Variants in SLC22A7 observed in about 807,000 individuals in gnomAD.
The protein encoded by SLC22A7 is hOAT2.
A neutral mutation model predicts 62.2 loss-of-function variants in SLC22A7; 48 were observed. The observed-to-expected ratio is 0.77, with a 90% CI of 0.61 to 0.98. The LOEUF (loss-of-function observed/expected upper bound fraction) is 0.98, where lower values mean the gene tolerates loss of function less well. Among genes scored for constraint, SLC22A7 ranks in the 50% least tolerant of loss-of-function variants. The pLI is 0.00. For synonymous variants in SLC22A7, 276 were observed against 314.8 expected, an observed-to-expected ratio of 0.88 and a Z score of 1.30; for missense variants, 581 against 703.8, an observed-to-expected ratio of 0.83 and a Z score of 1.97.
At chr6:43,300,337 G>A (rs1582548352) in intron 5 of SLC22A7, 1 of 528,104 alleles carries the variant, frequency 1.9e-6, no homozygotes, top group East Asian at 3.4e-5. Context: ...GCCCCTTGGA[G>A]AGTTGGGGAT....
intron 9 of SLC22A7, among the ~76,000 whole-genome samples, chr6:43,303,492 A>ATAG (rs1778829700): frequency 6.7e-6 from 1 of 149,426 alleles, no homozygotes; most frequent in Non-Finnish European, 1.5e-5. Context: ...TTAAATAATA[A>ATAG]TAATAATAAG....
At position 43,298,506 on chromosome 6, in the gene SLC22A7, G is replaced by GCCCTGCCGGGTGC. The variant is rs1420337300; in HGVS notation, c.156_168dup (p.Asn57GlyfsTer22). 1.9e-6 allele frequency: 3 copies of GCCCTGCCGGGTGC among 1,613,516 alleles called. No homozygotes were observed. On this transcript the variant is annotated frameshift_variant, in exon 1 of 11. Coordinates refer to ENST00000372585, the MANE Select transcript of SLC22A7 (RefSeq NM_153320.2). LOFTEE classifies it high-confidence loss of function. ...GGCTGCCGTGCCTGCCCACCGATGT[G>GCCCTGCCGGGTGC]CCCTGCCGGGTGCCCCTGCCAACTT...
At chr6:43,301,442 C>A (rs56401710) in intron 6 of SLC22A7, 141 bp from the exon 7 acceptor site, 576,503 of 1,029,864 alleles carry the variant, frequency 0.56, 170,774 homozygotes, top group East Asian at 0.67. Context: ...ATTCGAGACC[C>A]ACTCGTCTCA....
chr6:43,301,745 C>T (rs1778759256), intron 7 of SLC22A7, 53 bp downstream of exon 7: 5 of 1,335,044 alleles, frequency 3.7e-6, no homozygotes, highest in Non-Finnish European at 5.3e-6. Flanking sequence ...GAGGAGCAAA[C>T]TCCAGGCTGG....
Position 43,301,122 on chromosome 6 carries a change from T to A in SLC22A7, c.828-13T>A. 6.2e-7 allele frequency: 1 copy of A among 1,614,144 alleles called. No individual in the cohort carries two copies. Among genetic ancestry groups the A allele is most frequent in the Non-Finnish European group, 8.5e-7 (1 of 1,180,004 alleles). On this transcript the variant is annotated splice_polypyrimidine_tract_variant and intron_variant, in intron 5 of 10. Transcript: ENST00000372585. ...ATGACTTTCTGGCTGATGGACCTTC[T>A]GCCTATTCCTAGGTGGGTGCCTGAG...
chr6:43,303,287 CCT>C (rs1173011268), intron 9 of SLC22A7: 1 of 301,320 alleles, frequency 3.3e-6, no homozygotes, highest in African/African-American at 2.3e-5. Context: ...ATGGTGAAAC[CCT>C]GTCTCTGCTA....
chr6:43,296,387 A>C (rs1370877210), upstream of SLC22A7, among the ~76,000 whole-genome samples: 2 of 152,190 alleles, frequency 1.3e-5, no homozygotes, highest in Non-Finnish European at 2.9e-5. Context: ...CTGTGAAAAA[A>C]CTTCAGAGTA....
Position 43,304,805 on chromosome 6 carries a change from C to A in SLC22A7, c.*80C>A. The A allele has an allele frequency of 1.7e-6, 2 of 1,186,846 alleles. No individual in the cohort carries two copies. The highest frequency in any genetic ancestry group is 2.7e-5 in the East Asian group (1 of 37,430). The allele number at this position is 1,186,846 out of a possible 1,614,324, so 73.5% of individuals were successfully genotyped here. ...AGAAGGGCAGGCCCTGCAACTCAGG[C>A]TGGGAGTATCGAACCCTCTGCCTAG... On this transcript the variant is annotated 3_prime_UTR_variant, in exon 11 of 11. Transcript: ENST00000372585.
At chr6:43,298,976 G>A (rs1778635995) in intron 1 of SLC22A7, 116 bp from the exon 2 acceptor site, 1 of 1,183,636 alleles carries the variant, frequency 8.4e-7, no homozygotes. Context: ...GGTGATTAAG[G>A]CAGGGAAGGG....
At position 43,301,029 on chromosome 6, in the gene SLC22A7, G is replaced by GGACT. The variant is rs1778722988; in HGVS notation, c.828-105_828-102dup. The GGACT allele has an allele frequency of 2.9e-6, 4 of 1,403,014 alleles. No individual in the cohort carries two copies. The South Asian group carries it at 5.1e-5, about 18-fold the overall frequency. The allele number at this position is 1,403,014 out of a possible 1,614,324, so 86.9% of individuals were successfully genotyped here. On this transcript the variant is annotated intron_variant, in intron 5 of 10. Coordinates refer to ENST00000372585, the MANE Select transcript of SLC22A7 (RefSeq NM_153320.2). ...GAGGAGATGATGTTCCAGGCTAAGGGGACTACATGAGCAAGAGCCTGGAAG... is the reference window on the plus strand; with the variant it reads ...GAGGAGATGATGTTCCAGGCTAAGGGGACTGACTACATGAGCAAGAGCCTGGAAG...
chr6:43,303,281 T>C (rs1778818060), intron 9 of SLC22A7: 2 of 338,168 alleles, frequency 5.9e-6, no homozygotes, highest in Non-Finnish European at 8.4e-6. Flanking sequence ...ACCAACATGG[T>C]GAAACCCTGT....
upstream of SLC22A7, among the ~76,000 whole-genome samples, chr6:43,296,684 T>A (rs1043265583): frequency 5.3e-5 from 8 of 152,074 alleles, no homozygotes; most frequent in Admixed American, 6.6e-5. Flanking sequence ...GACATGCCAA[T>A]GAGCTGGTGT....
In SLC22A7 at chr6:43,302,936, G is replaced by A. The variant is rs991451567; in HGVS notation, c.1385+173G>A. Reference sequence around the variant, plus strand: ...TACCCAGACTGGTCTCAAACTCCTGGTCTCAAGCGATCCTCCCGCCTCAGC... The same window carrying A: ...TACCCAGACTGGTCTCAAACTCCTGATCTCAAGCGATCCTCCCGCCTCAGC... On this transcript the variant is annotated intron_variant, in intron 9 of 10. Transcript: ENST00000372585. The surrounding 1 kb of genome is among the most constrained non-coding windows in gnomAD (Gnocchi z 5.0). The A allele has an allele frequency of 1.6e-5, 4 of 247,954 alleles. No homozygotes were observed. Among genetic ancestry groups the A allele is most frequent in the Non-Finnish European group, 2.6e-5 (4 of 156,168 alleles). The allele number at this position is 247,954 out of a possible 1,614,324, so 15.4% of individuals were successfully genotyped here.
In SLC22A7 at chr6:43,301,598, G is replaced by A. The variant is rs75921620; in HGVS notation, c.967G>A (p.Ala323Thr). 142 of 1,613,998 alleles carry A rather than the reference G, an allele frequency of 8.8e-5. 1 individual carries two copies. Among genetic ancestry groups the A allele is most frequent in the Admixed American group, 5.7e-4 (34 of 60,008 alleles). ...SFSQEAVSKV[A>T]AGERVVRRPS... ...TCCCTACCAGGCTGTGAGCAAAGTG[G>A]CCGCCGGGGAACGGGTGGTCCGAAG... The change falls in exon 7 of 11, where the codon GCC becomes ACC. Residue 323 changes from alanine to threonine, a missense_variant. Coordinates refer to ENST00000372585, the MANE Select transcript of SLC22A7 (RefSeq NM_153320.2).
At chr6:43,300,627 G>A (rs70953683) in intron 5 of SLC22A7, among the ~76,000 whole-genome samples, 1 of 152,166 alleles carries the variant, frequency 6.6e-6, no homozygotes, top group East Asian at 1.9e-4. Context: ...GTGGGAAGAG[G>A]TGTTTTATTT....
intron 9 of SLC22A7, chr6:43,303,264 C>A: frequency 2.0e-6 from 1 of 494,710 alleles, no homozygotes; most frequent in Non-Finnish European, 2.6e-6. Flanking sequence ...AATTCGAGAC[C>A]AGCCTGACCA....
Position 43,301,567 on chromosome 6 carries a change from C to T in SLC22A7, c.952-16C>T. 1 of 1,604,432 alleles carries T rather than the reference C, an allele frequency of 6.2e-7. No individual in the cohort carries two copies. The highest frequency in any genetic ancestry group is 8.5e-7 in the Non-Finnish European group (1 of 1,171,250). On this transcript the variant is annotated splice_polypyrimidine_tract_variant and intron_variant, in intron 6 of 10. Coordinates refer to ENST00000372585, the MANE Select transcript of SLC22A7 (RefSeq NM_153320.2). ...AGCCAACTCTGATGTTACAACCTCA[C>T]CTCCTTCCCTACCAGGCTGTGAGCA...
Position 43,305,251 on chromosome 6 carries a change from T to C in SLC22A7, c.*526T>C, listed in dbSNP as rs563072846. The C allele has an allele frequency of 5.7e-6, 1 of 174,952 alleles. No homozygotes were observed. The highest frequency in any genetic ancestry group is 1.5e-4 in the South Asian group (1 of 6,792). 10.8% of individuals were successfully genotyped at this position (174,952 alleles called of 1,614,324 possible). A position where few individuals can be genotyped will look rare whatever the true frequency, so the allele number is the denominator to read the frequency against. On this transcript the variant is annotated 3_prime_UTR_variant, in exon 11 of 11. Transcript: ENST00000372585. ...TGGTGCTAAAGAAAGGACTAGCATATGAGACTTCTGGTACCAATGGGGCTG... is the reference window on the plus strand; with the variant it reads ...TGGTGCTAAAGAAAGGACTAGCATACGAGACTTCTGGTACCAATGGGGCTG...
Position 43,302,548 on chromosome 6 carries a change from C to A in SLC22A7, c.1277-107C>A. 1 of 1,174,580 alleles carries A rather than the reference C, an allele frequency of 8.5e-7. No homozygotes were observed. The highest frequency in any genetic ancestry group is 1.2e-6 in the Non-Finnish European group (1 of 822,896). 72.8% of individuals were successfully genotyped at this position (1,174,580 alleles called of 1,614,324 possible). On this transcript the variant is annotated intron_variant, in intron 8 of 10. Transcript: ENST00000372585. The surrounding 1 kb of genome is among the most constrained non-coding windows in gnomAD (Gnocchi z 5.0). ...CCTGCTCTTACCCAGTGAGCTCAGACTCTCCACCACTTAAGTTTGGCCCAC... is the reference window on the plus strand; with the variant it reads ...CCTGCTCTTACCCAGTGAGCTCAGAATCTCCACCACTTAAGTTTGGCCCAC...
Sources: allele counts gnomAD v4.1 joint callset (sites outside exome capture counted in the v4.1 genomes callset), GRCh38; gene constraint gnomAD v4.1.1; non-coding constraint Gnocchi (gnomAD v3.1); transcripts MANE v1.5; gene names NCBI Gene and HGNC (gene_info 2026-07-23, HGNC 2026-07-21).